Variants in PTDSS1 observed in about 807,000 individuals in gnomAD.
The protein encoded by PTDSS1 is phosphatidylserine synthase 1.
A neutral mutation model predicts 70.5 loss-of-function variants in PTDSS1; 45 were observed. That is an observed-to-expected ratio of 0.64 (90% confidence interval 0.50 to 0.82). PTDSS1 has a LOEUF of 0.82. Among genes scored for constraint, PTDSS1 ranks in the 40% least tolerant of loss-of-function variants. PTDSS1 has a pLI of 0.00. For missense variants in PTDSS1, 417 were observed against 586.1 expected (o/e 0.71, Z 2.98); for synonymous variants, 188 against 203.8 (o/e 0.92, Z 0.66).
chr8:96,299,833 G>A lies in PTDSS1; in HGVS notation c.740G>A (p.Trp247Ter). The A allele has an allele frequency of 6.2e-7, 1 of 1,610,408 alleles. No individual in the cohort carries two copies. ...TTTTTAGAGATGAGGACTTACCACT[G>A]GGCAAGCTTCAAGTGAGTTGCCTTC... is the stretch of plus-strand genomic sequence containing the variant. ...CRFLEMRTYH[W>*]ASFKDIHTTT... The change falls in exon 6 of 13, where the codon TGG becomes TAG. Residue 247 changes from tryptophan to a stop codon, truncating the protein, a stop_gained. Transcript: ENST00000517309. LOFTEE classifies it high-confidence loss of function.
rs367916609 is a variant in PTDSS1, at chr8:96,309,679, G to C, written c.1073+57G>C. ...ACCACTTAAGCCCTAATTTTATTTG[G>C]GTATTTCTTGACCCTGTGTTAAGAG... is the stretch of plus-strand genomic sequence containing the variant. On this transcript the variant is annotated intron_variant, in intron 9 of 12. Transcript: ENST00000517309. 28 of 1,562,858 alleles carry C rather than the reference G, an allele frequency of 1.8e-5. No individual in the cohort carries two copies. In the African/African-American group the frequency reaches 3.5e-4, roughly 20 times the overall value.
chr8:96,333,273 G>A (rs1314236824), intron 12 of PTDSS1, among the ~76,000 whole-genome samples, 184 bp from the exon 13 acceptor site: 17 of 152,256 alleles, frequency 1.1e-4, no homozygotes, highest in Non-Finnish European at 1.8e-4. Context: ...GCGCCACCGC[G>A]TGTGCTCCTT....
intron 8 of PTDSS1, among the ~76,000 whole-genome samples, chr8:96,307,959 T>TA (rs1811149192): frequency 6.6e-6 from 1 of 152,210 alleles, no homozygotes; most frequent in African/African-American, 2.4e-5. Context: ...TCTCTTTGTT[T>TA]AAAAAATCAG....
intron 4 of PTDSS1, among the ~76,000 whole-genome samples, chr8:96,293,817 G>A (rs1338217603): frequency 6.6e-6 from 1 of 152,180 alleles, no homozygotes; most frequent in Non-Finnish European, 1.5e-5. Flanking sequence ...GTGTATTCCA[G>A]AGTAAAGAAG....
chr8:96,329,504 A>G (rs1215630882), intron 10 of PTDSS1, among the ~76,000 whole-genome samples: 2 of 152,138 alleles, frequency 1.3e-5, no homozygotes, highest in Non-Finnish European at 2.9e-5. Flanking sequence ...AAATTAGGGT[A>G]TAATTTAGGG....
intron 2 of PTDSS1, chr8:96,283,696 G>A (rs559690220): frequency 1.1e-4 from 19 of 168,576 alleles, no homozygotes; most frequent in Non-Finnish European, 2.0e-4. Context: ...CACACATGAT[G>A]ATGACTGTGC....
At chr8:96,292,898 A>G (rs1810927121) in intron 4 of PTDSS1, among the ~76,000 whole-genome samples, 4 of 152,200 alleles carry the variant, frequency 2.6e-5, no homozygotes, top group Admixed American at 2.6e-4. Context: ...GCTGTCTGTA[A>G]GCAAATAATT....
At chr8:96,281,902 C>CA (rs995012894) in intron 2 of PTDSS1, among the ~76,000 whole-genome samples, 3 of 152,198 alleles carry the variant, frequency 2.0e-5, no homozygotes, top group Non-Finnish European at 4.4e-5. Context: ...ACACCTTTGT[C>CA]ACTGAGTCCT....
chr8:96,286,931 G>T, intron 3 of PTDSS1, 91 bp from the exon 4 acceptor site: 3 of 1,504,744 alleles, frequency 2.0e-6, no homozygotes, highest in Non-Finnish European at 2.7e-6. Flanking sequence ...TTAGTGTCTG[G>T]TTTTGGCAAT....
Position 96,333,682 on chromosome 8 carries a change from G to A in PTDSS1, c.*116G>A, listed in dbSNP as rs1586214951. 1 of 906,082 alleles carries A rather than the reference G, an allele frequency of 1.1e-6. No homozygotes were observed. Among genetic ancestry groups the A allele is most frequent in the East Asian group, 2.6e-5 (1 of 39,204 alleles). The allele number at this position is 906,082 out of a possible 1,614,324, so 56.1% of individuals were successfully genotyped here. On this transcript the variant is annotated 3_prime_UTR_variant, in exon 13 of 13. Coordinates refer to ENST00000517309, the MANE Select transcript of PTDSS1 (RefSeq NM_014754.3). ...GCACAGGGCAAGCAGGAAGAGGCGAGGGCACTTGGGGGTCATTATTTGAGA... is the reference window on the plus strand; with the variant it reads ...GCACAGGGCAAGCAGGAAGAGGCGAAGGCACTTGGGGGTCATTATTTGAGA...
intron 1 of PTDSS1, among the ~76,000 whole-genome samples, chr8:96,268,505 A>G (rs1810518255): frequency 6.6e-6 from 1 of 152,092 alleles, no homozygotes. Flanking sequence ...TGTCTAAAAG[A>G]TTGTAGGCAA....
In PTDSS1 at chr8:96,281,198, A is replaced by G. The variant is rs186568592; in HGVS notation, c.272-2911A>G. On this transcript the variant is annotated intron_variant, in intron 2 of 12. Coordinates refer to ENST00000517309, the MANE Select transcript of PTDSS1 (RefSeq NM_014754.3). ...CCTCGATTTTTTTTAAAAAAGTAAA[A>G]TGATACTTTTAGCAATACTGCTGTC... Among the ~76,000 whole-genome samples, 11 of 152,334 alleles carry G rather than the reference A, an allele frequency of 7.2e-5. No homozygotes were observed. The East Asian group carries it at 1.5e-3, about 21-fold the overall frequency.
At chr8:96,298,944 G>A (rs1359529745) in intron 5 of PTDSS1, among the ~76,000 whole-genome samples, 2 of 151,894 alleles carry the variant, frequency 1.3e-5, no homozygotes, top group Non-Finnish European at 2.9e-5. Context: ...GGAGGCTGAG[G>A]CAGGAGAATT....
intron 2 of PTDSS1, 104 bp from the exon 3 acceptor site, chr8:96,284,005 A>T: frequency 3.5e-6 from 3 of 866,614 alleles, no homozygotes; most frequent in Non-Finnish European, 5.4e-6. Flanking sequence ...TTAACAGTAG[A>T]GAGCTTTTTC....
chr8:96,304,309 C>A, intron 7 of PTDSS1, 128 bp downstream of exon 7: 1 of 1,124,338 alleles, frequency 8.9e-7, no homozygotes, highest in Non-Finnish European at 1.2e-6. Context: ...TAATATTCTG[C>A]AGCTGGCATG....
At chr8:96,272,695 G>T (rs780945689) in intron 1 of PTDSS1, among the ~76,000 whole-genome samples, 6 of 152,126 alleles carry the variant, frequency 3.9e-5, no homozygotes, top group Non-Finnish European at 7.4e-5. Flanking sequence ...CTTCCATTTC[G>T]CAAACTTGTG....
chr8:96,319,150 G>A (rs560593368), intron 9 of PTDSS1, among the ~76,000 whole-genome samples: 2 of 152,132 alleles, frequency 1.3e-5, no homozygotes, highest in South Asian at 4.1e-4. Flanking sequence ...CTGAGTTCAA[G>A]TGATCCGCTC....
At chr8:96,318,673 C>T (rs1444438264) in intron 9 of PTDSS1, among the ~76,000 whole-genome samples, 1 of 152,180 alleles carries the variant, frequency 6.6e-6, no homozygotes, top group African/African-American at 2.4e-5. Flanking sequence ...TTCAAGCCAA[C>T]CACTCTTAAA....
chr8:96,329,902 T>G (rs941923386), intron 10 of PTDSS1, among the ~76,000 whole-genome samples: 3 of 152,246 alleles, frequency 2.0e-5, no homozygotes, highest in Non-Finnish European at 4.4e-5. Context: ...CCTCTCTATC[T>G]TCTTCAACAG....
Sources: allele counts gnomAD v4.1 joint callset (sites outside exome capture counted in the v4.1 genomes callset), GRCh38; gene constraint gnomAD v4.1.1; transcripts MANE v1.5; gene names NCBI Gene and HGNC (gene_info 2026-07-23, HGNC 2026-07-21).